The following ANKRD18A variants were observed in gnomAD, a reference collection of about 807,000 sequenced individuals.
ANKRD18A encodes ankyrin repeat domain-containing protein 18A.
In ANKRD18A, 72 loss-of-function variants were observed where a neutral mutation model predicts 110.6. The observed-to-expected ratio is 0.65, with a 90% CI of 0.54 to 0.79. The LOEUF is 0.79. Ranked by LOEUF, ANKRD18A falls within the 30% of genes least tolerant of loss-of-function variation. The probability of loss-of-function intolerance (pLI) is 0.00; values close to 1 mark genes in which losing one functional copy is unlikely to be tolerated. For missense variants in ANKRD18A, 934 were observed against 1,163.3 expected, an observed-to-expected ratio of 0.80 and a Z score of 2.87; for synonymous variants, 305 against 410.3, an observed-to-expected ratio of 0.74 and a Z score of 3.10.
intron 10 of ANKRD18A, among the ~76,000 whole-genome samples, chr9:38,590,622 A>G (rs1178182980): frequency 1.3e-5 from 2 of 152,178 alleles, no homozygotes; most frequent in Non-Finnish European, 2.9e-5. Flanking sequence ...GTTTTCTTTT[A>G]AAGAATTTCC....
intron 14 of ANKRD18A, among the ~76,000 whole-genome samples, chr9:38,576,368 C>T (rs904152783): frequency 1.7e-4 from 26 of 152,152 alleles, no homozygotes; most frequent in Admixed American, 1.1e-3. Flanking sequence ...GGCAATTAGC[C>T]CTCAACACCG....
At chr9:38,592,846 T>C (rs1824713674) in intron 10 of ANKRD18A, among the ~76,000 whole-genome samples, 1 of 152,204 alleles carries the variant, frequency 6.6e-6, no homozygotes, top group African/African-American at 2.4e-5. Flanking sequence ...TCATATTGTA[T>C]GACTCTATGT....
Position 38,593,859 on chromosome 9 carries a change from A to G in ANKRD18A, c.1905T>C (p.Phe635=). 3 of 1,538,490 alleles carry G rather than the reference A, an allele frequency of 1.9e-6. No individual in the cohort carries two copies. Among genetic ancestry groups the G allele is most frequent in the East Asian group, 4.9e-5 (2 of 40,484 alleles). Residue 635 remains phenylalanine, a synonymous_variant, in exon 10 of 16, where the codon TTT becomes TTC. Coordinates refer to ENST00000399703, the MANE Select transcript of ANKRD18A (RefSeq NM_147195.4). ...QEELVDHLKT[F]SISESPLEGT... is the part of the protein sequence containing the mutation. ...CTTCCAGTGGAGACTCTGATATTGA[A>G]AATGTTTTAAGGTGATCGACCAGTT... is the stretch of plus-strand genomic sequence containing the variant.
chr9:38,603,608 G>A (rs1011282335), intron 6 of ANKRD18A, among the ~76,000 whole-genome samples: 57 of 152,042 alleles, frequency 3.7e-4, no homozygotes, highest in African/African-American at 1.3e-3. Context: ...CTACGACAGA[G>A]ACCACATGGC....
chr9:38,614,219 G>GTTTTTTTTTTTTTTT (rs58955752), intron 3 of ANKRD18A, among the ~76,000 whole-genome samples: 5 of 68,804 alleles, frequency 7.3e-5, no homozygotes, highest in Admixed American at 2.0e-4. Flanking sequence ...GAACACTGAG[G>GTTTTTTTTTTTTTTT]TTTTTTTTTT....
chr9:38,599,099 T>A (rs373944698), intron 8 of ANKRD18A, among the ~76,000 whole-genome samples: 7,364 of 152,314 alleles, frequency 0.048, 312 homozygotes, highest in African/African-American at 0.12. Context: ...TTTCTTCTTC[T>A]TCTCTGTGAG....
Position 38,575,488 on chromosome 9 carries a change from G to T in ANKRD18A, c.2952C>A (p.Asn984Lys). ...SNPQTSNNCK[N>K]FLTEVLLC is the part of the protein sequence containing the mutation. ...TCATATAACTAACCTCAGTCAAGAA[G>T]TTCTTGCAGTTATTTGAAGTCTGTG... The change falls in exon 15 of 16, where the codon AAC (asparagine) becomes AAA (lysine). Residue 984 changes from asparagine to lysine, a missense_variant. Physicochemically the swap from Asn to Lys is moderately conservative, Grantham distance 94. This residue lies in a region of ANKRD18A where 223 missense variants were observed against 226.7 expected (regional missense o/e 0.98). Transcript: ENST00000399703. The T allele has an allele frequency of 6.4e-7, 1 of 1,551,190 alleles. No homozygotes were observed. Among genetic ancestry groups the T allele is most frequent in the Non-Finnish European group, 8.7e-7 (1 of 1,146,718 alleles).
downstream of ANKRD18A, chr9:38,566,854 G>A (rs1823496185): frequency 6.6e-6 from 1 of 152,314 alleles, no homozygotes; most frequent in African/African-American, 2.4e-5. Context: ...AGTCACTCAT[G>A]ATTGTGAGGA....
chr9:38,593,633 A>G (rs1442568870), intron 10 of ANKRD18A, 127 bp downstream of exon 10: 1 of 1,013,296 alleles, frequency 9.9e-7, no homozygotes, highest in African/African-American at 1.7e-5. Context: ...TAAAGATAAT[A>G]AAATGGTAAT....
chr9:38,612,080 G>A (rs531862171), intron 3 of ANKRD18A, among the ~76,000 whole-genome samples: 4 of 152,166 alleles, frequency 2.6e-5, no homozygotes, highest in Admixed American at 2.0e-4. Context: ...GATCCAAAGG[G>A]GCCACTAAGG....
intron 8 of ANKRD18A, 38 bp downstream of exon 8, chr9:38,601,093 A>C (rs1230668221): frequency 6.6e-7 from 1 of 1,523,560 alleles, no homozygotes; most frequent in Admixed American, 2.0e-5. Flanking sequence ...ACAAACAAAC[A>C]AACCAGTATT....
rs760343488 is a variant in ANKRD18A at position 38,588,509 on chromosome 9, A to G, written c.2117+42T>C. ...GTCAAGTAAAGTTAGAGTTAAATCA[A>G]TTACTAAATGGTTAAAATGTTCTAC... On this transcript the variant is annotated intron_variant, in intron 11 of 15. Transcript: ENST00000399703. 8.4e-6 allele frequency: 10 copies of G among 1,197,422 alleles called. No homozygotes were observed. The African/African-American group carries it at 1.1e-4, about 14-fold the overall frequency. The allele number at this position is 1,197,422 out of a possible 1,614,324, so 74.2% of individuals were successfully genotyped here.
intron 5 of ANKRD18A, among the ~76,000 whole-genome samples, chr9:38,608,097 T>C (rs771562732): frequency 2.3e-4 from 35 of 152,364 alleles, no homozygotes; most frequent in Non-Finnish European, 3.2e-4. Context: ...TGGCTTGTAG[T>C]TCAGAGCATT....
chr9:38,577,309 A>C, intron 13 of ANKRD18A, 45 bp from the exon 14 acceptor site: 2 of 1,496,048 alleles, frequency 1.3e-6, no homozygotes, highest in Non-Finnish European at 1.8e-6. Context: ...ATTATAAGTT[A>C]ATTACCATAG....
At chr9:38,616,211 A>G (rs529131547) in intron 1 of ANKRD18A, among the ~76,000 whole-genome samples, 167 bp from the exon 2 acceptor site, 1 of 152,302 alleles carries the variant, frequency 6.6e-6, no homozygotes, top group African/African-American at 2.4e-5. Flanking sequence ...TCCCTACCTT[A>G]ATGAAACAGC....
In ANKRD18A at chr9:38,596,141, C is replaced by T; in HGVS notation, c.1199G>A (p.Arg400Lys). 1 of 1,549,832 alleles carries T rather than the reference C, an allele frequency of 6.5e-7. No homozygotes were observed. Among genetic ancestry groups the T allele is most frequent in the South Asian group, 1.2e-5 (1 of 83,442 alleles). Reference sequence around the variant, plus strand: ...TTCCTTCTCCAATTCTGAATTCAGCCTTGCATTCTCAGCTTTCAGATCATT... The same window carrying T: ...TTCCTTCTCCAATTCTGAATTCAGCTTTGCATTCTCAGCTTTCAGATCATT... ...QLNDLKAENA[R>K]LNSELEKEKH... Residue 400 changes from arginine to lysine, a missense_variant, in exon 9 of 16, where the codon AGG becomes AAG. Arg to Lys is a conservative substitution (Grantham distance 26). Transcript: ENST00000399703.
At chr9:38,615,858 A>T in intron 2 of ANKRD18A, 72 bp downstream of exon 2, 1 of 1,524,260 alleles carries the variant, frequency 6.6e-7, no homozygotes, top group Non-Finnish European at 8.8e-7. Context: ...TATTTAAATG[A>T]GACAAATTCA....
At chr9:38,604,681 A>C (rs1238468298) in intron 6 of ANKRD18A, among the ~76,000 whole-genome samples, 2 of 151,872 alleles carry the variant, frequency 1.3e-5, no homozygotes, top group South Asian at 4.2e-4. Flanking sequence ...ACTTGTATCT[A>C]GACACAGGTA....
chr9:38,570,863 A>G (rs558225109), downstream of ANKRD18A, among the ~76,000 whole-genome samples: 1 of 152,204 alleles, frequency 6.6e-6, no homozygotes, highest in African/African-American at 2.4e-5. Context: ...CTCAAAGGAG[A>G]CAATGAGGTG....
Sources: allele counts gnomAD v4.1 joint callset (sites outside exome capture counted in the v4.1 genomes callset), GRCh38; gene constraint gnomAD v4.1.1; regional missense constraint gnomAD v4.1.1; transcripts MANE v1.5; gene names NCBI Gene and HGNC (gene_info 2026-07-23, HGNC 2026-07-21).